NF2: variants seen among roughly 807,000 people sequenced by gnomAD.
NF2 encodes the protein NF2, moesin-ezrin-radixin like (MERLIN) tumor suppressor.
Under a neutral mutation model 83.7 loss-of-function variants are expected in NF2, and 8 were observed. The observed-to-expected ratio is 0.10, with a 90% CI of 0.06 to 0.17. NF2 has a LOEUF of 0.17. NF2 is among the 10% of genes least tolerant of loss of function. NF2 has a pLI of 1.00. For synonymous variants in NF2, 266 were observed against 269.6 expected, an observed-to-expected ratio of 0.99 and a Z score of 0.13; for missense variants, 533 against 744.4, an observed-to-expected ratio of 0.72 and a Z score of 3.31.
chr22:29,682,329 G>C (rs922623790), intron 15 of NF2, among the ~76,000 whole-genome samples: 10 of 152,168 alleles, frequency 6.6e-5, no homozygotes, highest in African/African-American at 2.4e-4. Context: ...ACTGTCCATT[G>C]AGTTTAGGTG....
intron 12 of NF2, 66 bp from the exon 13 acceptor site, chr22:29,674,770 G>C: frequency 7.1e-7 from 1 of 1,401,310 alleles, no homozygotes; most frequent in South Asian, 1.2e-5. Flanking sequence ...CTGCAGGGGT[G>C]GGGTGGTGTC....
chr22:29,676,173 A>ATT (rs909077491), intron 13 of NF2, among the ~76,000 whole-genome samples: 1 of 145,154 alleles, frequency 6.9e-6, no homozygotes, highest in Non-Finnish European at 1.5e-5. Flanking sequence ...TTTATTTATT[A>ATT]TTTTTTTTTT....
chr22:29,623,880 A>G (rs983687403), intron 1 of NF2, among the ~76,000 whole-genome samples: 5 of 152,328 alleles, frequency 3.3e-5, no homozygotes, highest in Middle Eastern at 6.8e-3. Flanking sequence ...GGAAGAACTC[A>G]CATTCAAAGG....
At chr22:29,650,244 T>C (rs2066107276) in intron 4 of NF2, among the ~76,000 whole-genome samples, 2 of 152,320 alleles carry the variant, frequency 1.3e-5, no homozygotes, top group Admixed American at 1.3e-4. Context: ...AAAATTTAAA[T>C]AGATATAGCC....
intron 1 of NF2, among the ~76,000 whole-genome samples, chr22:29,624,175 G>A (rs1041734005): frequency 6.6e-6 from 1 of 152,130 alleles, no homozygotes; most frequent in Non-Finnish European, 1.5e-5. Flanking sequence ...TATAAAATGA[G>A]AATAATAGTA....
rs1364251342 is a variant in NF2 at position 29,696,389 on chromosome 22, G to A, written c.*1587G>A. 2 of 224,366 alleles carry A rather than the reference G, an allele frequency of 8.9e-6. No individual in the cohort carries two copies. The highest frequency in any genetic ancestry group is 4.5e-5 in the African/African-American group (2 of 44,778). 13.9% of individuals were successfully genotyped at this position (224,366 alleles called of 1,614,324 possible). A position where few individuals can be genotyped will look rare whatever the true frequency, so the allele number is the denominator to read the frequency against. On this transcript the variant is annotated 3_prime_UTR_variant, in exon 16 of 16. Coordinates refer to ENST00000338641, the MANE Select transcript of NF2 (RefSeq NM_000268.4). ...GGCTGATGCTGCTGTGGCCAGCCAGGGCCCTTGAGATCCTTCCAGTTTGGC... is the reference window on the plus strand; with the variant it reads ...GGCTGATGCTGCTGTGGCCAGCCAGAGCCCTTGAGATCCTTCCAGTTTGGC...
intron 8 of NF2, among the ~76,000 whole-genome samples, chr22:29,662,104 C>T (rs539925649): frequency 1.3e-5 from 2 of 152,218 alleles, no homozygotes; most frequent in East Asian, 1.9e-4. Context: ...TTCACTCATC[C>T]ATTCATTCAT....
At chr22:29,642,957 G>A (rs1468068359) in intron 4 of NF2, among the ~76,000 whole-genome samples, 1 of 148,502 alleles carries the variant, frequency 6.7e-6, no homozygotes, top group East Asian at 1.9e-4. Context: ...AATCACTATA[G>A]ACCTTTTTTT....
intron 1 of NF2, among the ~76,000 whole-genome samples, chr22:29,613,496 A>C (rs1454330983): frequency 6.6e-6 from 1 of 152,122 alleles, no homozygotes; most frequent in Non-Finnish European, 1.5e-5. Flanking sequence ...GTGCTATTGC[A>C]CTCCAGCCTG....
chr22:29,667,503 A>C (rs1416172171), intron 9 of NF2, among the ~76,000 whole-genome samples: 1 of 151,892 alleles, frequency 6.6e-6, no homozygotes, highest in Non-Finnish European at 1.5e-5. Context: ...CCCTTCCCAA[A>C]GTGCTAGGAT....
chr22:29,668,623 A>G (rs545567508), intron 10 of NF2, among the ~76,000 whole-genome samples, 177 bp downstream of exon 10: 10 of 152,344 alleles, frequency 6.6e-5, no homozygotes, highest in African/African-American at 2.2e-4. Context: ...ATCTCTGGAA[A>G]TGAGGAATAA....
Position 29,694,732 on chromosome 22 carries a change from T to G in NF2, c.1738-20T>G, listed in dbSNP as rs777847701. 6.2e-6 allele frequency: 10 copies of G among 1,613,384 alleles called. No individual in the cohort carries two copies. The highest frequency in any genetic ancestry group is 4.4e-5 in the South Asian group (4 of 90,862). On this transcript the variant is annotated intron_variant, in intron 15 of 15. Coordinates refer to ENST00000338641, the MANE Select transcript of NF2 (RefSeq NM_000268.4). The surrounding 1 kb of genome is among the most constrained non-coding windows in gnomAD (Gnocchi z 4.1). ...GCGGAGGTCTTGTGCCCTCTCAGCT[T>G]CTTCTCTGCTTTCTTACAGCTCACC...
chr22:29,655,466 C>A, intron 5 of NF2, 128 bp from the exon 6 acceptor site: 2 of 743,830 alleles, frequency 2.7e-6, no homozygotes, highest in Non-Finnish European at 4.8e-6. Flanking sequence ...GTGTGACTAT[C>A]TCCCTGGGTG....
chr22:29,609,834 T>C (rs1477971740), intron 1 of NF2, among the ~76,000 whole-genome samples: 2 of 152,206 alleles, frequency 1.3e-5, no homozygotes, highest in Non-Finnish European at 2.9e-5. Flanking sequence ...AGCTACACTA[T>C]AAAAACAATT....
At chr22:29,671,314 A>G (rs1267511591) in intron 10 of NF2, among the ~76,000 whole-genome samples, 1 of 152,198 alleles carries the variant, frequency 6.6e-6, no homozygotes, top group Non-Finnish European at 1.5e-5. Flanking sequence ...GTGGATCATA[A>G]GGTCAGGAGT....
intron 2 of NF2, among the ~76,000 whole-genome samples, chr22:29,637,125 T>TA (rs2065670854): frequency 6.6e-6 from 1 of 152,226 alleles, no homozygotes; most frequent in African/African-American, 2.4e-5. Flanking sequence ...TACCCATTGT[T>TA]ACCAGCCTGA....
chr22:29,639,051 C>A (rs1446908920), intron 2 of NF2, 39 bp from the exon 3 acceptor site: 1 of 1,613,986 alleles, frequency 6.2e-7, no homozygotes, highest in East Asian at 2.2e-5. Context: ...GAGGAAGTGC[C>A]AATATAGTGT....
At chr22:29,643,385 A>G (rs2065867756) in intron 4 of NF2, among the ~76,000 whole-genome samples, 1 of 151,952 alleles carries the variant, frequency 6.6e-6, no homozygotes, top group Non-Finnish European at 1.5e-5. Flanking sequence ...GAAGGTCAGC[A>G]GATAAACAAG....
chr22:29,607,344 TAGCTGGG>T (rs2064824733), intron 1 of NF2, among the ~76,000 whole-genome samples: 1 of 151,732 alleles, frequency 6.6e-6, no homozygotes, highest in Non-Finnish European at 1.5e-5. Context: ...TGGAGCTTCA[TAGCTGGG>T]TGTGGTCAAG....
Sources: gnomAD v4.1 joint callset for allele counts (sites outside exome capture counted in the v4.1 genomes callset) on GRCh38, gnomAD v4.1.1 for gene constraint, Gnocchi (gnomAD v3.1) non-coding constraint, MANE v1.5 for transcripts, NCBI Gene and HGNC (gene_info 2026-07-23, HGNC 2026-07-21) for gene names.